Variants in WSCD2 observed in about 807,000 individuals in gnomAD.
WSCD2 encodes the protein sialate:O-sulfotransferase 2.
A neutral mutation model predicts 55.7 loss-of-function variants in WSCD2; 28 were observed. The observed-to-expected ratio is 0.50, with a 90% confidence interval of 0.37 to 0.69. The LOEUF is 0.69. Among genes scored for constraint, WSCD2 ranks in the 30% least tolerant of loss-of-function variants. The pLI, the probability that WSCD2 is intolerant of heterozygous loss-of-function variation, is 0.00. For missense variants in WSCD2, 616 were observed against 762.1 expected, an observed-to-expected ratio of 0.81 and a Z score of 2.26; for synonymous variants, 301 against 301.9, an observed-to-expected ratio of 1.00 and a Z score of 0.03.
chr12:108,149,721 G>C (rs1422377654), intron 1 of WSCD2: 1 of 152,152 alleles, frequency 6.6e-6, no homozygotes. Flanking sequence ...GCGGAAACTT[G>C]GTAAACAAGT....
intron 4 of WSCD2, among the ~76,000 whole-genome samples, chr12:108,215,003 C>G (rs888784942): frequency 5.1e-4 from 77 of 152,228 alleles, no homozygotes; most frequent in African/African-American, 1.6e-3. Context: ...GATTAGGGGA[C>G]AGTCACATTT....
At chr12:108,222,505 T>G (rs1451214962) in intron 4 of WSCD2, among the ~76,000 whole-genome samples, 1 of 152,274 alleles carries the variant, frequency 6.6e-6, no homozygotes, top group African/African-American at 2.4e-5. Flanking sequence ...GGTCTGTTCT[T>G]GTGCTGATGG....
At chr12:108,218,670 G>C (rs1459923639) in intron 4 of WSCD2, among the ~76,000 whole-genome samples, 1 of 152,202 alleles carries the variant, frequency 6.6e-6, no homozygotes, top group Non-Finnish European at 1.5e-5. Flanking sequence ...GAGGATGCAA[G>C]GGTGACTCCT....
intron 1 of WSCD2, among the ~76,000 whole-genome samples, chr12:108,136,703 C>T (rs1351288904): frequency 1.3e-5 from 2 of 151,732 alleles, no homozygotes; most frequent in South Asian, 2.1e-4. Context: ...GCAGAGCCCA[C>T]GTCTCTCTGA....
intron 1 of WSCD2, among the ~76,000 whole-genome samples, chr12:108,185,419 C>T (rs1474453224): frequency 1.3e-5 from 2 of 152,144 alleles, no homozygotes; most frequent in Non-Finnish European, 2.9e-5. Flanking sequence ...ATTCTTGCCC[C>T]AGATCCTCCC....
chr12:108,225,464 G>A (rs1190530462), intron 5 of WSCD2, among the ~76,000 whole-genome samples: 1 of 152,166 alleles, frequency 6.6e-6, no homozygotes, highest in East Asian at 1.9e-4. Context: ...GGAGAACACA[G>A]CCAAACCACA....
At chr12:108,167,091 C>A (rs1879747500) in intron 1 of WSCD2, among the ~76,000 whole-genome samples, 1 of 152,050 alleles carries the variant, frequency 6.6e-6, no homozygotes, top group Admixed American at 6.6e-5. Context: ...GGATTATAGG[C>A]ATGAGCCACA....
chr12:108,163,762 A>C (rs1879313298), intron 1 of WSCD2, among the ~76,000 whole-genome samples: 1 of 152,204 alleles, frequency 6.6e-6, no homozygotes, highest in African/African-American at 2.4e-5. Flanking sequence ...GCAAGGAAGC[A>C]GATTCTCCCT....
intron 1 of WSCD2, among the ~76,000 whole-genome samples, chr12:108,141,067 A>C (rs1171452783): frequency 6.6e-6 from 1 of 151,730 alleles, no homozygotes; most frequent in African/African-American, 2.4e-5. Context: ...TTGTTTCTTT[A>C]TTTTTTAGAG....
At chr12:108,179,274 A>G in intron 1 of WSCD2, among the ~76,000 whole-genome samples, 1 of 150,572 alleles carries the variant, frequency 6.6e-6, no homozygotes, top group African/African-American at 2.4e-5. Context: ...GGGGGGGCAG[A>G]GGGGGCACAG....
At chr12:108,150,554 A>T (rs1877873520) in intron 1 of WSCD2, among the ~76,000 whole-genome samples, 1 of 152,136 alleles carries the variant, frequency 6.6e-6, no homozygotes, top group Non-Finnish European at 1.5e-5. Context: ...AGTCCCCTAC[A>T]GAGGGTGGAG....
chr12:108,222,095 A>G (rs1384927066), intron 4 of WSCD2, among the ~76,000 whole-genome samples: 1 of 152,210 alleles, frequency 6.6e-6, no homozygotes, highest in Non-Finnish European at 1.5e-5. Context: ...ATATAAAATT[A>G]TCATTCATAA....
intron 4 of WSCD2, among the ~76,000 whole-genome samples, chr12:108,213,641 G>A (rs111409628): frequency 6.2e-4 from 94 of 152,242 alleles, no homozygotes; most frequent in African/African-American, 2.2e-3. Context: ...CCAGACTCAA[G>A]ACAAATCACC....
chr12:108,180,275 T>G lies in WSCD2; in HGVS notation c.-551-15007T>G, dbSNP rs142841274. 9.9e-5 allele frequency among the ~76,000 whole-genome samples: 15 copies of G among 152,278 alleles called. No homozygotes were observed. In the East Asian group the frequency reaches 2.3e-3, roughly 23 times the overall value. ...TGACATACAATAGGTACTCAATAAATATTTGTTAACTGAAGATATAAAAAC... is the reference window on the plus strand; with the variant it reads ...TGACATACAATAGGTACTCAATAAAGATTTGTTAACTGAAGATATAAAAAC... On this transcript the variant is annotated intron_variant, in intron 1 of 8. Coordinates refer to ENST00000547525, the MANE Select transcript of WSCD2 (RefSeq NM_014653.4).
intron 5 of WSCD2, among the ~76,000 whole-genome samples, chr12:108,226,549 T>C (rs1332386725): frequency 2.6e-5 from 4 of 152,100 alleles, no homozygotes; most frequent in Non-Finnish European, 4.4e-5. Context: ...CGTCAACACC[T>C]CTCACCCTTA....
Position 108,154,151 on chromosome 12 carries a change from T to A in WSCD2, c.-552+24225T>A, listed in dbSNP as rs191546698. On this transcript the variant is annotated intron_variant, in intron 1 of 8. Coordinates refer to ENST00000547525, the MANE Select transcript of WSCD2 (RefSeq NM_014653.4). Reference sequence around the variant, plus strand: ...GTGTCCTGGAGTTGCGAAGGGTGTATTAGTTTCCAATAGCTGCTGTAACAA... The same window carrying A: ...GTGTCCTGGAGTTGCGAAGGGTGTAATAGTTTCCAATAGCTGCTGTAACAA... Among the ~76,000 whole-genome samples the A allele has an allele frequency of 8.5e-5, 13 of 152,258 alleles. No individual in the cohort carries two copies. In the East Asian group the frequency reaches 2.5e-3, roughly 29 times the overall value.
chr12:108,236,736 TTCTG>T (rs1214971470), intron 7 of WSCD2, among the ~76,000 whole-genome samples: 2 of 152,080 alleles, frequency 1.3e-5, no homozygotes, highest in Admixed American at 6.5e-5. Flanking sequence ...CTCATTTTAT[TTCTG>T]TGTCTGTTTA....
At chr12:108,141,743 C>A (rs1302232989) in intron 1 of WSCD2, among the ~76,000 whole-genome samples, 9 of 152,198 alleles carry the variant, frequency 5.9e-5, no homozygotes, top group Admixed American at 3.3e-4. Context: ...GTCACAGGTT[C>A]CTGCTTTTGG....
intron 2 of WSCD2, among the ~76,000 whole-genome samples, chr12:108,204,667 T>C (rs1313202869): frequency 6.6e-6 from 1 of 152,224 alleles, no homozygotes; most frequent in East Asian, 1.9e-4. Context: ...TCCAGGGAGA[T>C]GATGCTTCTT....
Sources: allele counts gnomAD v4.1 joint callset (sites outside exome capture counted in the v4.1 genomes callset), GRCh38; gene constraint gnomAD v4.1.1; transcripts MANE v1.5; gene names NCBI Gene and HGNC (gene_info 2026-07-23, HGNC 2026-07-21).